The following PRSS3 variants were observed in gnomAD, a reference collection of about 807,000 sequenced individuals.
PRSS3 encodes the protein trypsin-3.
Under a neutral mutation model 20.8 loss-of-function variants are expected in PRSS3, and 14 were observed. The ratio of observed to expected loss-of-function variants is 0.67; its 90% CI spans 0.44 to 1.05. PRSS3 has a LOEUF of 1.05. Among genes scored for constraint, PRSS3 ranks in the 50% least tolerant of loss-of-function variants. The pLI, the probability that PRSS3 is intolerant of heterozygous loss-of-function variation, is 0.00. For synonymous variants in PRSS3, 91 were observed against 117.6 expected (o/e 0.77, Z 1.46); for missense variants, 237 against 306.4 (o/e 0.77, Z 1.69).
intron 1 of PRSS3, chr9:33,761,967 A>G (rs1823229229): frequency 6.6e-6 from 1 of 152,194 alleles, no homozygotes; most frequent in Non-Finnish European, 1.5e-5. Context: ...ATTATGCGGC[A>G]CCTGACTGTA....
At chr9:33,775,016 T>C (rs1227894117) in intron 1 of PRSS3, among the ~76,000 whole-genome samples, 1 of 148,456 alleles carries the variant, frequency 6.7e-6, no homozygotes, top group African/African-American at 2.5e-5. Flanking sequence ...GAGAAGGCCT[T>C]CCAGTTATGG....
At chr9:33,755,544 T>G (rs1822901059) in intron 1 of PRSS3, among the ~76,000 whole-genome samples, 1 of 152,190 alleles carries the variant, frequency 6.6e-6, no homozygotes, top group South Asian at 2.1e-4. Context: ...TCACATCCCT[T>G]TCTTTTAAGT....
chr9:33,777,060 A>T (rs1321517506), intron 1 of PRSS3, among the ~76,000 whole-genome samples: 1 of 152,196 alleles, frequency 6.6e-6, no homozygotes, highest in Admixed American at 6.5e-5. Context: ...GAGAAAAATC[A>T]TACATACCAG....
chr9:33,772,635 CCTT>C (rs1434061443), intron 1 of PRSS3, among the ~76,000 whole-genome samples: 2 of 152,178 alleles, frequency 1.3e-5, no homozygotes, highest in East Asian at 3.9e-4. Flanking sequence ...TCATGAAAAA[CCTT>C]CTAGGACAGC....
rs541231093 is a variant in PRSS3 at position 33,767,069 on chromosome 9, A to G, written c.-53+16342A>G. Among the ~76,000 whole-genome samples, 186 of 152,258 alleles carry G rather than the reference A, an allele frequency of 1.2e-3. 1 individual carries two copies. The highest frequency in any genetic ancestry group is 2.3e-3 in the Admixed American group (35 of 15,302). On this transcript the variant is annotated intron_variant, in intron 1 of 5. Transcript: ENST00000342836. ...AACTGTCACAGAAATAAAAAGTAAA[A>G]AAACTTAGTAAAGTTGTTGAAATAG... is the stretch of plus-strand genomic sequence containing the variant.
rs1006059489 is a variant in PRSS3 at position 33,773,969 on chromosome 9, A to G, written c.-52-20777A>G. Among the ~76,000 whole-genome samples, 3 of 152,106 alleles carry G rather than the reference A, an allele frequency of 2.0e-5. No homozygotes were observed. In the South Asian group the frequency reaches 6.2e-4, roughly 32 times the overall value. On this transcript the variant is annotated intron_variant, in intron 1 of 5. Coordinates refer to the PRSS3 transcript ENST00000342836. The stretch of plus-strand genomic sequence containing the variant: ...AGCATTATCTGATATTTGTTTTCCT[A>G]TTCGTAAGTTTGTCCTTAGATTGAA...
upstream of PRSS3, among the ~76,000 whole-genome samples, chr9:33,793,143 G>T (rs574369217): frequency 4.0e-4 from 61 of 152,074 alleles, no homozygotes; most frequent in Non-Finnish European, 6.3e-4. Context: ...TAATCTTCAA[G>T]CTCTAGATAC....
Position 33,798,825 on chromosome 9 carries a change from C to T in PRSS3, c.591+203C>T, listed in dbSNP as rs577831490. ...GAAGGTGGCGGGGCTGAGGAGGCTC[C>T]CTGCAGTGCCCCCATTGGGAAATGA... is the stretch of plus-strand genomic sequence containing the variant. On this transcript the variant is annotated intron_variant, in intron 4 of 4. Transcript: ENST00000379405. 1.4e-5 allele frequency: 15 copies of T among 1,050,254 alleles called. No individual in the cohort carries two copies. The South Asian group carries it at 1.8e-4, about 13-fold the overall frequency. 65.1% of individuals were successfully genotyped at this position (1,050,254 alleles called of 1,614,324 possible). A position where few individuals can be genotyped will look rare whatever the true frequency, so the allele number is the denominator to read the frequency against.
chr9:33,779,707 A>G (rs1041999453), intron 1 of PRSS3, among the ~76,000 whole-genome samples: 3 of 151,862 alleles, frequency 2.0e-5, no homozygotes, highest in African/African-American at 7.3e-5. Flanking sequence ...TCTCTACTAA[A>G]AATATAAAAA....
chr9:33,755,947 C>G (rs1587367069), intron 1 of PRSS3, among the ~76,000 whole-genome samples: 1 of 152,222 alleles, frequency 6.6e-6, no homozygotes. Context: ...TAAATACATA[C>G]ATACATACGC....
At chr9:33,795,068 G>T (rs1824842875), upstream of PRSS3, among the ~76,000 whole-genome samples, 1 of 149,476 alleles carries the variant, frequency 6.7e-6, no homozygotes. Context: ...TGACTGCAAA[G>T]AAGCATATTC....
intron 1 of PRSS3, among the ~76,000 whole-genome samples, chr9:33,785,513 C>T (rs754153299): frequency 2.6e-4 from 40 of 152,092 alleles, no homozygotes; most frequent in Non-Finnish European, 3.7e-4. Context: ...TGATTTGTTT[C>T]GTGGCCTAGA....
chr9:33,790,248 A>C (rs1361025966), intron 1 of PRSS3, among the ~76,000 whole-genome samples: 1 of 152,230 alleles, frequency 6.6e-6, no homozygotes, highest in African/African-American at 2.4e-5. Flanking sequence ...TAGATCATAC[A>C]ATATGTAGTT....
upstream of PRSS3, chr9:33,794,717 T>C (rs1824817650): frequency 6.5e-7 from 1 of 1,528,956 alleles, no homozygotes; most frequent in Admixed American, 2.0e-5. Context: ...CCTGAGCAGG[T>C]GAGTCAGTTT....
intron 1 of PRSS3, chr9:33,786,143 C>A: frequency 2.5e-6 from 1 of 400,094 alleles, no homozygotes; most frequent in Non-Finnish European, 4.5e-6. Context: ...CGGGAAAGAA[C>A]TACGCTGTAG....
chr9:33,762,447 CAACACAG>C (rs1823248128), intron 1 of PRSS3, among the ~76,000 whole-genome samples: 1 of 152,140 alleles, frequency 6.6e-6, no homozygotes, highest in African/African-American at 2.4e-5. Flanking sequence ...GGAGGACTTT[CAACACAG>C]AACCCTCTGC....
chr9:33,762,369 G>A (rs1450685285), intron 1 of PRSS3, among the ~76,000 whole-genome samples: 1 of 152,176 alleles, frequency 6.6e-6, no homozygotes, highest in Non-Finnish European at 1.5e-5. Flanking sequence ...TGAGCCCACT[G>A]TAGAGCAGGG....
At chr9:33,794,793 T>A, upstream of PRSS3, 1 of 1,550,824 alleles carries the variant, frequency 6.4e-7, no homozygotes, top group Non-Finnish European at 8.7e-7. Context: ...TATGACAGGA[T>A]GCACATGAGA....
intron 1 of PRSS3, among the ~76,000 whole-genome samples, chr9:33,772,049 T>G (rs867189768): frequency 1.3e-5 from 2 of 152,086 alleles, no homozygotes; most frequent in Non-Finnish European, 2.9e-5. Context: ...TTTTTGCATT[T>G]TTAGTAGAGA....
Sources: gnomAD v4.1 joint callset for allele counts (sites outside exome capture counted in the v4.1 genomes callset) on GRCh38, gnomAD v4.1.1 for gene constraint, MANE v1.5 for transcripts, NCBI Gene and HGNC (gene_info 2026-07-23, HGNC 2026-07-21) for gene names.